The following SLC12A6 variants were observed in gnomAD, a reference collection of about 807,000 sequenced individuals.
The protein encoded by SLC12A6 is K-Cl cotransporter 3.
Under a neutral mutation model 135.3 loss-of-function variants are expected in SLC12A6, and 66 were observed. That is an observed-to-expected ratio of 0.49 (90% CI 0.40 to 0.60). The LOEUF is 0.60. SLC12A6 is among the 20% of genes least tolerant of loss of function. SLC12A6 has a pLI of 0.00. For missense variants in SLC12A6, 1,058 were observed against 1,452.3 expected (o/e 0.73, Z 4.41); for synonymous variants, 513 against 508.8 (o/e 1.01, Z -0.11).
chr15:34,322,108 G>A (rs573099097), intron 2 of SLC12A6, among the ~76,000 whole-genome samples: 2 of 152,292 alleles, frequency 1.3e-5, no homozygotes, highest in South Asian at 2.1e-4. Context: ...TGCCTTTGCC[G>A]GGCGTGGTGG....
intron 2 of SLC12A6, among the ~76,000 whole-genome samples, chr15:34,290,060 T>C (rs903481910): frequency 1.4e-4 from 22 of 152,312 alleles, no homozygotes; most frequent in Middle Eastern, 3.4e-3. Flanking sequence ...GTTCTTTCAA[T>C]TGTGATGTTA....
At chr15:34,276,270 C>T (rs1272263839) in intron 2 of SLC12A6, among the ~76,000 whole-genome samples, 1 of 152,084 alleles carries the variant, frequency 6.6e-6, no homozygotes, top group Non-Finnish European at 1.5e-5. Flanking sequence ...ACAAAAAATA[C>T]TTATGGCTAT....
chr15:34,318,574 A>G (rs911647906), intron 2 of SLC12A6: 1 of 1,613,882 alleles, frequency 6.2e-7, no homozygotes, highest in African/African-American at 1.3e-5. Context: ...GTTCATCTGA[A>G]TCCTGAATCC....
chr15:34,284,323 C>T (rs1478215122), intron 2 of SLC12A6, among the ~76,000 whole-genome samples: 1 of 123,728 alleles, frequency 8.1e-6, no homozygotes, highest in Non-Finnish European at 1.6e-5. Flanking sequence ...TGCTCTGTTG[C>T]CTAGGCAGGC....
chr15:34,311,061 C>T (rs1045202735), intron 2 of SLC12A6, among the ~76,000 whole-genome samples: 4 of 152,118 alleles, frequency 2.6e-5, no homozygotes, highest in Admixed American at 2.6e-4. Flanking sequence ...ATTTGTATTA[C>T]TTGTGAGTTA....
chr15:34,261,065 G>A (rs200680255), intron 3 of SLC12A6, 45 bp from the exon 4 acceptor site: 1 of 986,320 alleles, frequency 1.0e-6, no homozygotes, highest in East Asian at 2.4e-5. Flanking sequence ...ACTGGTTTCT[G>A]ACGAAGAAAC....
chr15:34,323,860 G>A (rs983000707), intron 2 of SLC12A6, among the ~76,000 whole-genome samples: 3 of 151,254 alleles, frequency 2.0e-5, no homozygotes, highest in Non-Finnish European at 1.5e-5. Context: ...AGGATTGCTT[G>A]AGCCTGGGAG....
chr15:34,297,737 T>G (rs1263211631), intron 2 of SLC12A6, among the ~76,000 whole-genome samples: 2 of 152,162 alleles, frequency 1.3e-5, no homozygotes, highest in Non-Finnish European at 2.9e-5. Flanking sequence ...AGCACATGTC[T>G]GGAAAGATTT....
At chr15:34,247,458 A>C (rs1015649096) in intron 13 of SLC12A6, among the ~76,000 whole-genome samples, 3 of 152,068 alleles carry the variant, frequency 2.0e-5, no homozygotes, top group Non-Finnish European at 1.5e-5. Flanking sequence ...CAGAGGTTGC[A>C]GTGAGCCGAG....
intron 2 of SLC12A6, among the ~76,000 whole-genome samples, chr15:34,315,882 C>T (rs1316018711): frequency 6.6e-6 from 1 of 151,840 alleles, no homozygotes; most frequent in Non-Finnish European, 1.5e-5. Flanking sequence ...GAGGTTGCAG[C>T]GAGCAGAGAT....
chr15:34,310,791 T>C (rs1212521867), intron 2 of SLC12A6, among the ~76,000 whole-genome samples: 9 of 122,198 alleles, frequency 7.4e-5, no homozygotes, highest in Admixed American at 6.6e-4. Flanking sequence ...TGTGTGTGTG[T>C]GTGTGTGTGT....
rs369854925 is a variant in SLC12A6 at position 34,238,336 on chromosome 15, G to C, written c.2698C>G (p.Pro900Ala). 6.2e-7 allele frequency: 1 copy of C among 1,613,650 alleles called. No individual in the cohort carries two copies. The highest frequency in any genetic ancestry group is 1.3e-5 in the African/African-American group (1 of 74,942). The change falls in exon 21 of 26, where the codon CCC becomes GCC. Residue 900 changes from proline to alanine, a missense_variant. Transcript: ENST00000354181. ...TCAGAAAATTGCTCCACATTGCTGG[G>C]AAAGAAGGAGATGTTTTTAGCCACC... Reference protein sequence around the residue: ...LLVAKNISFFPSNVEQFSEGN... With the variant: ...LLVAKNISFFASNVEQFSEGN...
At chr15:34,277,156 TG>T (rs1894351755) in intron 2 of SLC12A6, among the ~76,000 whole-genome samples, 1 of 152,232 alleles carries the variant, frequency 6.6e-6, no homozygotes, top group African/African-American at 2.4e-5. Context: ...ATACTGGGGC[TG>T]GGTGCAGTGG....
chr15:34,261,088 T>C (rs979089768), intron 3 of SLC12A6, 68 bp from the exon 4 acceptor site: 2 of 829,844 alleles, frequency 2.4e-6, no homozygotes, highest in Non-Finnish European at 4.3e-6. Flanking sequence ...CAGCACCAGA[T>C]AAGTGCAGGT....
intron 9 of SLC12A6, among the ~76,000 whole-genome samples, chr15:34,254,123 G>A (rs1335780288): frequency 6.6e-6 from 1 of 152,176 alleles, no homozygotes; most frequent in Non-Finnish European, 1.5e-5. Context: ...CCTAAATGAT[G>A]GTTACAGCTA....
At position 34,336,408 on chromosome 15, in the gene SLC12A6, A is replaced by G; in HGVS notation, c.271+2T>C. On this transcript the variant is annotated splice_donor_variant, in intron 2 of 25. Coordinates refer to ENST00000354181, the MANE Select transcript of SLC12A6 (RefSeq NM_001365088.1). LOFTEE classifies it high-confidence loss of function. ...TATGCTGCGGTCTGTGTTTCTACTT[A>G]CCCTCGATGACATCCTGGGGGTGAG... The G allele has an allele frequency of 6.2e-7, 1 of 1,612,258 alleles. No individual in the cohort carries two copies. The highest frequency in any genetic ancestry group is 8.5e-7 in the Non-Finnish European group (1 of 1,178,406).
intron 3 of SLC12A6, among the ~76,000 whole-genome samples, chr15:34,274,389 G>A (rs1391233865): frequency 6.6e-6 from 1 of 152,184 alleles, no homozygotes; most frequent in African/African-American, 2.4e-5. Flanking sequence ...ACTTTTAAGA[G>A]GTGGAAATGA....
intron 2 of SLC12A6, 72 bp downstream of exon 2, chr15:34,336,338 A>G: frequency 8.5e-7 from 1 of 1,178,504 alleles, no homozygotes; most frequent in South Asian, 1.2e-5. Flanking sequence ...ATGATCTTCC[A>G]GATCCATAGA....
At position 34,240,677 on chromosome 15, in the gene SLC12A6, G is replaced by C; in HGVS notation, c.2420C>G (p.Ala807Gly). Residue 807 changes from alanine (A) to glycine (G), a missense_variant, in exon 19 of 26, where the codon GCT becomes GGT. Coordinates refer to ENST00000354181, the MANE Select transcript of SLC12A6 (RefSeq NM_001365088.1). ...GACTCTTACCTGCTCAGCAGCTAAA[G>C]CTTCACCGTAGTTCTCTAGGAAGTT... Reference protein sequence around the residue: ...VGNFLENYGEALAAEQTIKHL... With the variant: ...VGNFLENYGEGLAAEQTIKHL... 21 of 1,613,912 alleles carry C rather than the reference G, an allele frequency of 1.3e-5. No homozygotes were observed. Among genetic ancestry groups the C allele is most frequent in the Non-Finnish European group, 1.8e-5 (21 of 1,179,830 alleles).
Sources: gnomAD v4.1 joint callset for allele counts (sites outside exome capture counted in the v4.1 genomes callset) on GRCh38, gnomAD v4.1.1 for gene constraint, MANE v1.5 for transcripts, NCBI Gene and HGNC (gene_info 2026-07-23, HGNC 2026-07-21) for gene names.